Variants in CTNNA3 observed in about 807,000 individuals in gnomAD.
The protein encoded by CTNNA3 is catenin alpha 3.
CTNNA3 carries 76 observed loss-of-function variants against 95.7 expected under a neutral mutation model. The ratio of observed to expected loss-of-function variants is 0.79; its 90% confidence interval spans 0.66 to 0.96. The LOEUF (loss-of-function observed/expected upper bound fraction) is 0.96. Among genes scored for constraint, CTNNA3 ranks in the 40% least tolerant of loss-of-function variants. The pLI, the probability that CTNNA3 is intolerant of heterozygous loss-of-function variation, is 0.00. For missense variants in CTNNA3, 1,191 were observed against 1,089.8 expected (o/e 1.09, Z -1.31); for synonymous variants, 431 against 374.4 (o/e 1.15, Z -1.74).
chr10:66,722,576 C>G (rs552538725), intron 9 of CTNNA3, among the ~76,000 whole-genome samples: 2 of 141,512 alleles, frequency 1.4e-5, no homozygotes, highest in African/African-American at 2.6e-5. Context: ...TCCCTCCCCC[C>G]ACCCCACCAC....
intron 6 of CTNNA3, among the ~76,000 whole-genome samples, chr10:67,187,037 A>T (rs999890177): frequency 6.6e-6 from 1 of 152,138 alleles, no homozygotes; most frequent in African/African-American, 2.4e-5. Context: ...CTCTCTCTGG[A>T]GAGCTTATAA....
intron 11 of CTNNA3, among the ~76,000 whole-genome samples, chr10:66,512,020 A>G (rs1304311414): frequency 1.3e-5 from 2 of 151,948 alleles, no homozygotes; most frequent in Admixed American, 6.6e-5. Context: ...CTCTTTAACT[A>G]TAATAATATT....
At chr10:66,928,135 G>A (rs1394736457) in intron 7 of CTNNA3, 7 of 1,614,074 alleles carry the variant, frequency 4.3e-6, no homozygotes, top group Non-Finnish European at 5.1e-6. Context: ...GCCCGGCCCA[G>A]AGACCGATGC....
chr10:66,445,971 A>T (rs760597400), intron 11 of CTNNA3, among the ~76,000 whole-genome samples: 1 of 152,196 alleles, frequency 6.6e-6, no homozygotes, highest in African/African-American at 2.4e-5. Flanking sequence ...AATAGATGCA[A>T]TAAAAAATGA....
chr10:67,278,155 C>T (rs942839369), intron 5 of CTNNA3, among the ~76,000 whole-genome samples: 2 of 152,082 alleles, frequency 1.3e-5, no homozygotes, highest in Admixed American at 6.6e-5. Flanking sequence ...GGAGAACGTA[C>T]AGGTATAACA....
intron 6 of CTNNA3, among the ~76,000 whole-genome samples, chr10:67,209,482 G>C (rs1033322289): frequency 6.6e-6 from 1 of 152,108 alleles, no homozygotes; most frequent in Non-Finnish European, 1.5e-5. Flanking sequence ...TAAGAATGAA[G>C]ACACTTTATT....
At chr10:66,493,599 A>T (rs1437570545) in intron 11 of CTNNA3, among the ~76,000 whole-genome samples, 162 of 111,960 alleles carry the variant, frequency 1.4e-3, no homozygotes, top group East Asian at 4.1e-3. Flanking sequence ...TAACTACAGT[A>T]TTTTTTTTTT....
chr10:66,116,028 A>G (rs935763964), intron 13 of CTNNA3, among the ~76,000 whole-genome samples: 3 of 152,220 alleles, frequency 2.0e-5, no homozygotes, highest in Admixed American at 6.6e-5. Context: ...CAGCTTATAT[A>G]TAAAATAGAA....
intron 13 of CTNNA3, among the ~76,000 whole-genome samples, chr10:66,217,840 G>A (rs1474875974): frequency 6.6e-6 from 1 of 152,134 alleles, no homozygotes; most frequent in East Asian, 1.9e-4. Flanking sequence ...GATAGCGGGA[G>A]GTCCAGCGAA....
intron 9 of CTNNA3, among the ~76,000 whole-genome samples, chr10:66,754,292 G>A (rs1839281356): frequency 6.6e-6 from 1 of 151,982 alleles, no homozygotes; most frequent in Admixed American, 6.6e-5. Context: ...GAAATGAGCT[G>A]GAATAAATGG....
At chr10:66,443,676 G>C (rs1468620258) in intron 11 of CTNNA3, among the ~76,000 whole-genome samples, 2 of 152,082 alleles carry the variant, frequency 1.3e-5, no homozygotes, top group Non-Finnish European at 2.9e-5. Context: ...CCATCTGTAC[G>C]TTGCCATCAT....
intron 9 of CTNNA3, among the ~76,000 whole-genome samples, chr10:66,702,648 G>A (rs1418721634): frequency 6.8e-6 from 1 of 146,750 alleles, no homozygotes; most frequent in African/African-American, 2.5e-5. Context: ...GGTGGTTGCA[G>A]TGAGCCGAGA....
At chr10:67,318,232 TC>T (rs1195495508) in intron 5 of CTNNA3, among the ~76,000 whole-genome samples, 1 of 152,180 alleles carries the variant, frequency 6.6e-6, no homozygotes, top group African/African-American at 2.4e-5. Context: ...CAGTGTGGCA[TC>T]CATTTATTAT....
chr10:66,115,378 G>A (rs537104994), intron 13 of CTNNA3, among the ~76,000 whole-genome samples: 27 of 152,206 alleles, frequency 1.8e-4, no homozygotes, highest in African/African-American at 5.3e-4. Flanking sequence ...CTGTGGATGC[G>A]TAAAAGCTGT....
Position 65,914,867 on chromosome 10 carries a change from T to C in CTNNA3, c.*5463A>G, listed in dbSNP as rs1434061829. The stretch of plus-strand genomic sequence containing the variant: ...ATAGAGGTGAGAATATTCAGCTAAT[T>C]ATATATCTGTCTTGAATGATGTAAA... On this transcript the variant is annotated 3_prime_UTR_variant, in exon 18 of 18. Transcript: ENST00000433211. 1 of 152,134 alleles carries C rather than the reference T, an allele frequency of 6.6e-6. No homozygotes were observed. Among genetic ancestry groups the C allele is most frequent in the African/African-American group, 2.4e-5 (1 of 41,434 alleles). 9.4% of individuals were successfully genotyped at this position (152,134 alleles called of 1,614,324 possible).
At chr10:66,115,703 C>A (rs2082318150) in intron 13 of CTNNA3, among the ~76,000 whole-genome samples, 2 of 152,234 alleles carry the variant, frequency 1.3e-5, no homozygotes, top group East Asian at 3.9e-4. Context: ...TATCAACAAT[C>A]CTAACCAAAT....
chr10:67,213,816 C>T (rs913514383), intron 6 of CTNNA3, among the ~76,000 whole-genome samples: 1 of 151,664 alleles, frequency 6.6e-6, no homozygotes, highest in Non-Finnish European at 1.5e-5. Flanking sequence ...AAAATCATGA[C>T]TCAGTATGCT....
intron 7 of CTNNA3, among the ~76,000 whole-genome samples, chr10:67,068,412 G>C (rs908990272): frequency 2.6e-5 from 4 of 152,202 alleles, no homozygotes; most frequent in Admixed American, 6.5e-5. Context: ...CGATGGATCT[G>C]TCTGTTAAGT....
rs1299300089 is a variant in CTNNA3, at chr10:66,421,850, A to G, written c.1532-42498T>C. Among the ~76,000 whole-genome samples the G allele has an allele frequency of 1.2e-4, 15 of 122,084 alleles. 1 individual carries two copies. The South Asian group carries it at 3.9e-3, about 32-fold the overall frequency. 80.1% of individuals were successfully genotyped at this position (122,084 alleles called of 152,430 possible). Reference sequence around the variant, plus strand: ...ACTCTGTCTCAAAAAAAAAAAAAAAAAAAGAAAAGTGTGTTTTTAAATTTC... The same window carrying G: ...ACTCTGTCTCAAAAAAAAAAAAAAAGAAAGAAAAGTGTGTTTTTAAATTTC... On this transcript the variant is annotated intron_variant, in intron 11 of 17. Coordinates refer to ENST00000433211, the MANE Select transcript of CTNNA3 (RefSeq NM_013266.4).
Sources: allele counts gnomAD v4.1 joint callset (sites outside exome capture counted in the v4.1 genomes callset), GRCh38; gene constraint gnomAD v4.1.1; transcripts MANE v1.5; gene names NCBI Gene and HGNC (gene_info 2026-07-23, HGNC 2026-07-21).